Variants in STPG2 observed in about 807,000 individuals in gnomAD.
STPG2 encodes sperm-tail PG-rich repeat-containing protein 2.
In STPG2, 56 loss-of-function variants were observed where a neutral mutation model predicts 54.2. That is an observed-to-expected ratio of 1.03 (90% CI 0.83 to 1.29). The LOEUF is 1.29. Ranked by LOEUF, STPG2 falls within the 50% of genes most tolerant of loss-of-function variation. The pLI, the probability that STPG2 is intolerant of heterozygous loss-of-function variation, is 0.00. For missense variants in STPG2, 596 were observed against 544.9 expected (o/e 1.09, Z -0.93); for synonymous variants, 200 against 181.8 (o/e 1.10, Z -0.81).
At chr4:97,536,764 C>G (rs1731541815) in intron 4 of STPG2, among the ~76,000 whole-genome samples, 1 of 152,104 alleles carries the variant, frequency 6.6e-6, no homozygotes, top group Non-Finnish European at 1.5e-5. Context: ...CCCTTCACAG[C>G]CAGTCTCTCT....
chr4:97,925,282 A>G (rs1053375132), intron 8 of STPG2, among the ~76,000 whole-genome samples: 1 of 152,108 alleles, frequency 6.6e-6, no homozygotes, highest in Non-Finnish European at 1.5e-5. Context: ...AGTTTCCTTC[A>G]CTGTTCCTTC....
intron 4 of STPG2, among the ~76,000 whole-genome samples, chr4:97,550,285 T>C (rs1731935030): frequency 6.6e-6 from 1 of 152,008 alleles, no homozygotes; most frequent in Non-Finnish European, 1.5e-5. Context: ...GAAGGATATG[T>C]ATAAATGAAG....
chr4:97,834,867 G>A (rs763215470), intron 9 of STPG2, among the ~76,000 whole-genome samples: 1 of 151,946 alleles, frequency 6.6e-6, no homozygotes, highest in Non-Finnish European at 1.5e-5. Flanking sequence ...GAATGCAAGA[G>A]ACCCAATAGT....
intron 4 of STPG2, among the ~76,000 whole-genome samples, chr4:97,522,229 C>T (rs1731198377): frequency 6.6e-6 from 1 of 152,098 alleles, no homozygotes; most frequent in South Asian, 2.1e-4. Context: ...GATGCTACTA[C>T]TAAAATAGGG....
intron 7 of STPG2, among the ~76,000 whole-genome samples, chr4:97,956,971 A>G (rs879702168): frequency 1.3e-5 from 2 of 152,136 alleles, no homozygotes; most frequent in Non-Finnish European, 2.9e-5. Context: ...ATCCAAACCA[A>G]GAAGAAATCC....
At chr4:97,612,671 G>C (rs1041809766) in intron 10 of STPG2, among the ~76,000 whole-genome samples, 1 of 152,032 alleles carries the variant, frequency 6.6e-6, no homozygotes, top group Non-Finnish European at 1.5e-5. Flanking sequence ...TAGCCCAGGC[G>C]TGTGCCCAGA....
chr4:97,473,901 T>C (rs952724292), intron 4 of STPG2, among the ~76,000 whole-genome samples: 4 of 152,148 alleles, frequency 2.6e-5, no homozygotes, highest in Non-Finnish European at 5.9e-5. Context: ...TTGCCTGATA[T>C]CTGGCTGAGT....
chr4:97,788,896 T>C (rs1471711397), intron 9 of STPG2, among the ~76,000 whole-genome samples: 1 of 152,146 alleles, frequency 6.6e-6, no homozygotes, highest in Non-Finnish European at 1.5e-5. Flanking sequence ...GTGTGTCTTC[T>C]TCTTGTCTTG....
chr4:98,003,567 G>A (rs889794339), intron 5 of STPG2, among the ~76,000 whole-genome samples: 1 of 152,000 alleles, frequency 6.6e-6, no homozygotes, highest in African/African-American at 2.4e-5. Context: ...AGGCCACTCA[G>A]GATAATAATA....
At chr4:97,773,121 T>G (rs576260244) in intron 9 of STPG2, among the ~76,000 whole-genome samples, 1 of 152,216 alleles carries the variant, frequency 6.6e-6, no homozygotes, top group African/African-American at 2.4e-5. Flanking sequence ...TTCTATTTTA[T>G]GCTTTCTTAG....
intron 10 of STPG2, among the ~76,000 whole-genome samples, chr4:97,695,917 AC>A (rs1723556350): frequency 2.0e-5 from 3 of 152,184 alleles, no homozygotes; most frequent in Non-Finnish European, 2.9e-5. Context: ...TGTGAAAATG[AC>A]CACACTGCCA....
At chr4:97,555,932 G>T (rs1274387845), downstream of STPG2, among the ~76,000 whole-genome samples, 1 of 151,822 alleles carries the variant, frequency 6.6e-6, no homozygotes, top group African/African-American at 2.4e-5. Context: ...TTCCACAAAG[G>T]TATTTATCAT....
chr4:97,905,613 C>T (rs200786061), intron 8 of STPG2, among the ~76,000 whole-genome samples: 2 of 151,930 alleles, frequency 1.3e-5, no homozygotes, highest in East Asian at 3.9e-4. Flanking sequence ...ACAATATTAA[C>T]TTTAAATGTA....
At chr4:97,814,976 G>A (rs1432737781) in intron 9 of STPG2, among the ~76,000 whole-genome samples, 2 of 152,026 alleles carry the variant, frequency 1.3e-5, no homozygotes, top group South Asian at 2.1e-4. Context: ...GACTAATACA[G>A]TATTTCTTAG....
chr4:97,558,282 A>G (rs1732129348), downstream of STPG2, among the ~76,000 whole-genome samples: 1 of 152,186 alleles, frequency 6.6e-6, no homozygotes, highest in Admixed American at 6.5e-5. Context: ...TAATTAGTAA[A>G]AATCTCAGAA....
intron 10 of STPG2, among the ~76,000 whole-genome samples, chr4:97,604,181 T>C (rs545176940): frequency 2.0e-5 from 3 of 151,646 alleles, no homozygotes; most frequent in Non-Finnish European, 4.4e-5. Flanking sequence ...AGTAATCTAG[T>C]AATCCATATT....
intron 4 of STPG2, among the ~76,000 whole-genome samples, chr4:97,456,810 G>A (rs1177502320): frequency 1.3e-5 from 2 of 149,690 alleles, no homozygotes; most frequent in Non-Finnish European, 2.9e-5. Context: ...GCAGGAGAAT[G>A]GCGTGAATCC....
chr4:98,035,909 A>G (rs189829714), intron 5 of STPG2, among the ~76,000 whole-genome samples: 1,730 of 152,112 alleles, frequency 0.011, 27 homozygotes, highest in African/African-American at 0.04. Flanking sequence ...GAACACATGG[A>G]CACAGGGAGG....
At chr4:97,561,921 C>G (rs183428282) in intron 10 of STPG2, among the ~76,000 whole-genome samples, 10 of 152,042 alleles carry the variant, frequency 6.6e-5, no homozygotes, top group Non-Finnish European at 1.2e-4. Context: ...CTTGGCTATG[C>G]GGGCTCTTTT....
Sources: gnomAD v4.1 joint callset for allele counts (sites outside exome capture counted in the v4.1 genomes callset) on GRCh38, gnomAD v4.1.1 for gene constraint, MANE v1.5 for transcripts, NCBI Gene and HGNC (gene_info 2026-07-23, HGNC 2026-07-21) for gene names.